Variants in CADM2 observed in about 807,000 individuals in gnomAD.
CADM2 encodes the protein cell adhesion molecule 2, also known as immunoglobulin superfamily member 4D.
A neutral mutation model predicts 49.8 loss-of-function variants in CADM2; 12 were observed. The ratio of observed to expected loss-of-function variants is 0.24; its 90% confidence interval spans 0.15 to 0.39. CADM2 has a LOEUF of 0.39. CADM2 is among the 10% of genes least tolerant of loss of function. The pLI, the probability that CADM2 is intolerant of heterozygous loss-of-function variation, is 1.00. For synonymous variants in CADM2, 214 were observed against 175.4 expected (o/e 1.22, Z -1.74); for missense variants, 378 against 492.3 (o/e 0.77, Z 2.20).
chr3:85,031,567 T>C (rs1466700331), intron 1 of CADM2, among the ~76,000 whole-genome samples: 1 of 152,100 alleles, frequency 6.6e-6, no homozygotes, highest in East Asian at 1.9e-4. Flanking sequence ...CGGGCTGGAG[T>C]GCAGTGGCGC....
intron 1 of CADM2, among the ~76,000 whole-genome samples, chr3:85,471,274 A>G (rs913994473): frequency 1.3e-5 from 2 of 152,118 alleles, no homozygotes; most frequent in African/African-American, 4.8e-5. Context: ...TGGTTCATCC[A>G]TTGTTCCAGC....
Position 86,070,314 on chromosome 3 carries a change from A to T in CADM2, c.*3531A>T, listed in dbSNP as rs1376071789. The T allele has an allele frequency of 1.3e-5, 2 of 151,974 alleles. No individual in the cohort carries two copies. 9.4% of individuals were successfully genotyped at this position (151,974 alleles called of 1,614,324 possible). On this transcript the variant is annotated 3_prime_UTR_variant, in exon 10 of 10. Coordinates refer to ENST00000383699, the MANE Select transcript of CADM2 (RefSeq NM_001167675.2). ...GATTGTAACAGCATTGAGATTTCAT[A>T]TAGGCACATGTATAGCAGCTGTTTG...
At chr3:85,585,517 A>T (rs1431921073) in intron 1 of CADM2, among the ~76,000 whole-genome samples, 1 of 151,854 alleles carries the variant, frequency 6.6e-6, no homozygotes, top group Non-Finnish European at 1.5e-5. Context: ...TTGCTGTTTC[A>T]TCTCGAATTC....
At chr3:85,889,233 T>A (rs1023960704) in intron 5 of CADM2, among the ~76,000 whole-genome samples, 2 of 152,210 alleles carry the variant, frequency 1.3e-5, no homozygotes, top group Admixed American at 6.5e-5. Context: ...ATTAATTTTA[T>A]ATCCATGTTT....
In CADM2 at chr3:85,210,469, C is replaced by T. The variant is rs77282347; in HGVS notation, c.61+250801C>T. Among the ~76,000 whole-genome samples, 388 of 152,026 alleles carry T rather than the reference C, an allele frequency of 2.6e-3. 1 individual carries two copies. Among genetic ancestry groups the T allele is most frequent in the African/African-American group, 9.0e-3 (373 of 41,494 alleles). On this transcript the variant is annotated intron_variant, in intron 1 of 9. Transcript: ENST00000383699. ...TGTCTGTTTGGTTTTGGTATCTGTT[C>T]CGGTATCTGGTATGTACTGGCCTTG...
intron 1 of CADM2, among the ~76,000 whole-genome samples, chr3:85,133,891 C>A (rs894135945): frequency 6.6e-6 from 1 of 152,226 alleles, no homozygotes; most frequent in Non-Finnish European, 1.5e-5. Flanking sequence ...GTCGATGGGA[C>A]TGGGCGCCGT....
chr3:85,967,532 A>G (rs1418110069), intron 8 of CADM2, among the ~76,000 whole-genome samples: 1 of 151,656 alleles, frequency 6.6e-6, no homozygotes, highest in African/African-American at 2.4e-5. Context: ...CCATAGAACT[A>G]AGCAAATATT....
intron 8 of CADM2, among the ~76,000 whole-genome samples, chr3:85,968,342 A>G (rs1725713830): frequency 6.6e-6 from 1 of 151,602 alleles, no homozygotes; most frequent in South Asian, 2.1e-4. Flanking sequence ...TTTCATTACA[A>G]AACATTTTAA....
intron 1 of CADM2, among the ~76,000 whole-genome samples, chr3:85,627,208 G>A (rs55873202): frequency 0.12 from 18,964 of 151,826 alleles, 1,338 homozygotes; most frequent in African/African-American, 0.19. Flanking sequence ...TCCTTTTACT[G>A]AATACAATTC....
intron 3 of CADM2, among the ~76,000 whole-genome samples, chr3:85,872,724 T>TTA (rs552535273): frequency 2.3e-4 from 35 of 149,422 alleles, no homozygotes; most frequent in African/African-American, 4.9e-4. Flanking sequence ...TATTTATACA[T>TTA]TATATATATA....
intron 1 of CADM2, among the ~76,000 whole-genome samples, chr3:85,014,003 ATAT>A (rs1444860249): frequency 7.0e-6 from 1 of 143,284 alleles, no homozygotes; most frequent in East Asian, 2.0e-4. Flanking sequence ...CAGTGTAATA[ATAT>A]TGTATATTAT....
chr3:85,319,172 A>T (rs2044540892), intron 1 of CADM2, among the ~76,000 whole-genome samples: 1 of 152,342 alleles, frequency 6.6e-6, no homozygotes, highest in Admixed American at 6.5e-5. Context: ...ACTGTCATTT[A>T]TTTAGCACCT....
intron 1 of CADM2, among the ~76,000 whole-genome samples, chr3:85,500,332 A>T (rs758013801): frequency 6.6e-6 from 1 of 152,154 alleles, no homozygotes; most frequent in Non-Finnish European, 1.5e-5. Flanking sequence ...TAATCAGTTT[A>T]AAAATGCATA....
intron 1 of CADM2, among the ~76,000 whole-genome samples, chr3:85,412,068 T>G (rs759972190): frequency 1.3e-5 from 2 of 152,178 alleles, no homozygotes; most frequent in Non-Finnish European, 2.9e-5. Flanking sequence ...CCTCAAGTGA[T>G]CTGCCCACAC....
At chr3:85,750,323 T>G (rs146765851) in intron 2 of CADM2, among the ~76,000 whole-genome samples, 1 of 152,222 alleles carries the variant, frequency 6.6e-6, no homozygotes, top group Non-Finnish European at 1.5e-5. Flanking sequence ...CTTAATTTTC[T>G]AAGGTCATCC....
At chr3:85,449,083 A>ATAATAATT (rs59973385) in intron 1 of CADM2, among the ~76,000 whole-genome samples, 64 of 148,262 alleles carry the variant, frequency 4.3e-4, no homozygotes, top group Non-Finnish European at 7.7e-4. Context: ...TAATGATAAA[A>ATAATAATT]ATTATATAAT....
intron 8 of CADM2, among the ~76,000 whole-genome samples, chr3:86,037,413 C>T (rs1735300126): frequency 1.3e-5 from 2 of 152,100 alleles, no homozygotes; most frequent in Non-Finnish European, 2.9e-5. Context: ...TTTAACACTT[C>T]AGAGATGACA....
At position 85,633,102 on chromosome 3, in the gene CADM2, A is replaced by G. The variant is rs372847756; in HGVS notation, c.62-93420A>G. Among the ~76,000 whole-genome samples the G allele has an allele frequency of 4.6e-5, 7 of 152,040 alleles. No individual in the cohort carries two copies. The East Asian group carries it at 1.4e-3, about 29-fold the overall frequency. ...AACAACTATGGAAAGTTCCAAAGCA[A>G]AGAGCATTGCCAATAAAAGCAGTGT... On this transcript the variant is annotated intron_variant, in intron 1 of 9. Coordinates refer to ENST00000383699, the MANE Select transcript of CADM2 (RefSeq NM_001167675.2).
chr3:86,053,321 CT>C (rs1737547309), intron 8 of CADM2, among the ~76,000 whole-genome samples: 1 of 152,028 alleles, frequency 6.6e-6, no homozygotes, highest in South Asian at 2.1e-4. Context: ...TCTACATTAC[CT>C]TTTGGGTCTA....
Sources: allele counts gnomAD v4.1 joint callset (sites outside exome capture counted in the v4.1 genomes callset), GRCh38; gene constraint gnomAD v4.1.1; transcripts MANE v1.5; gene names NCBI Gene and HGNC (gene_info 2026-07-23, HGNC 2026-07-21).